TNRC6B: variants seen among roughly 807,000 people sequenced by gnomAD.
TNRC6B encodes trinucleotide repeat containing adaptor 6B, also known as trinucleotide repeat-containing gene 6B protein.
TNRC6B carries 52 observed loss-of-function variants against 203.6 expected under a neutral mutation model. The observed-to-expected ratio is 0.26, with a 90% CI of 0.20 to 0.32. The LOEUF (loss-of-function observed/expected upper bound fraction) is 0.32. TNRC6B is among the 10% of genes least tolerant of loss of function. The pLI is 1.00. For synonymous variants in TNRC6B, 838 were observed against 845.7 expected (o/e 0.99, Z 0.16); for missense variants, 1,923 against 2,286.2 (o/e 0.84, Z 3.24).
intron 4 of TNRC6B, among the ~76,000 whole-genome samples, chr22:40,162,814 G>A (rs1300067069): frequency 6.6e-6 from 1 of 152,110 alleles, no homozygotes; most frequent in African/African-American, 2.4e-5. Context: ...GCTTTTGGGG[G>A]AAATGAGTTT....
intron 1 of TNRC6B, among the ~76,000 whole-genome samples, chr22:40,099,989 G>T (rs1051732749): frequency 6.6e-5 from 10 of 152,126 alleles, no homozygotes; most frequent in Non-Finnish European, 1.2e-4. Flanking sequence ...CTGACCTCAT[G>T]ATCCGCCCAC....
At chr22:40,136,524 C>T (rs976027681) in intron 3 of TNRC6B, among the ~76,000 whole-genome samples, 2 of 151,706 alleles carry the variant, frequency 1.3e-5, no homozygotes, top group Non-Finnish European at 2.9e-5. Context: ...CTCAGCCTCC[C>T]GTGTAGCTGG....
chr22:40,069,019 G>A (rs1282104207), intron 1 of TNRC6B, among the ~76,000 whole-genome samples: 1 of 152,038 alleles, frequency 6.6e-6, no homozygotes, highest in Non-Finnish European at 1.5e-5. Flanking sequence ...TTTTCATGGA[G>A]AGTAAAAACC....
Position 40,308,467 on chromosome 22 carries a change from A to G in TNRC6B, c.4121-45A>G, listed in dbSNP as rs141882146. ...CCTGGACTCTGCTTCAGAACTCTTG[A>G]TACTGATGCTGGAGACTTATAAAAT... On this transcript the variant is annotated intron_variant, in intron 15 of 22. Coordinates refer to ENST00000454349, the MANE Select transcript of TNRC6B (RefSeq NM_001162501.2). 3.1e-4 allele frequency: 492 copies of G among 1,612,132 alleles called. 1 individual carries two copies. The African/African-American group carries it at 5.5e-3, about 18-fold the overall frequency.
chr22:40,183,071 C>CA (rs35482309), intron 1 of TNRC6B, among the ~76,000 whole-genome samples: 1 of 151,824 alleles, frequency 6.6e-6, no homozygotes, highest in African/African-American at 2.4e-5. Context: ...ACATCTAGAA[C>CA]GGCTTGGCAG....
intron 12 of TNRC6B, among the ~76,000 whole-genome samples, chr22:40,292,752 G>A (rs1237513515): frequency 6.6e-6 from 1 of 152,226 alleles, no homozygotes; most frequent in African/African-American, 2.4e-5. Context: ...GAGAGGGGCA[G>A]TACATTTGCA....
chr22:40,182,429 C>T (rs966611758), intron 1 of TNRC6B, among the ~76,000 whole-genome samples: 7 of 152,170 alleles, frequency 4.6e-5, no homozygotes, highest in Admixed American at 4.6e-4. Flanking sequence ...ATCCCACTTT[C>T]CTCACCTGCT....
In TNRC6B at chr22:40,315,492, T is replaced by C. The variant is rs751848396; in HGVS notation, c.4888T>C (p.Ser1630Pro). ...RSVRGWGTQD[S>P]RLASASTWSD... The stretch of plus-strand genomic sequence containing the variant: ...AGTCAGGGGGTGGGGGACACAGGAC[T>C]CACGGCTCGCCTCGGGTGAGGAGGA... The change falls in exon 20 of 23, where the codon TCA becomes CCA. Residue 1630 changes from serine to proline, a missense_variant. Coordinates refer to ENST00000454349, the MANE Select transcript of TNRC6B (RefSeq NM_001162501.2). 5 of 1,614,016 alleles carry C rather than the reference T, an allele frequency of 3.1e-6. No homozygotes were observed. The highest frequency in any genetic ancestry group is 3.4e-6 in the Non-Finnish European group (4 of 1,179,888).
chr22:40,103,081 A>C (rs899897271), intron 1 of TNRC6B, among the ~76,000 whole-genome samples: 1 of 150,034 alleles, frequency 6.7e-6, no homozygotes, highest in African/African-American at 2.4e-5. Flanking sequence ...GTCTCAAAAT[A>C]AATAAATAAA....
intron 1 of TNRC6B, among the ~76,000 whole-genome samples, chr22:40,243,830 C>G (rs967934967): frequency 5.9e-5 from 9 of 152,192 alleles, no homozygotes; most frequent in Non-Finnish European, 1.3e-4. Flanking sequence ...GGTGATCCAC[C>G]CACCTTGGCC....
intron 1 of TNRC6B, among the ~76,000 whole-genome samples, chr22:40,234,259 G>T (rs974380883): frequency 2.0e-5 from 3 of 152,132 alleles, no homozygotes; most frequent in Non-Finnish European, 4.4e-5. Context: ...GCATTCCTGC[G>T]TGATAGAGCA....
At chr22:40,138,842 G>C (rs1196634149) in intron 3 of TNRC6B, among the ~76,000 whole-genome samples, 1 of 151,936 alleles carries the variant, frequency 6.6e-6, no homozygotes. Context: ...ACCCCAAACA[G>C]CAATTCAAAG....
chr22:40,280,259 C>A, intron 10 of TNRC6B, 116 bp downstream of exon 10: 2 of 979,288 alleles, frequency 2.0e-6, no homozygotes, highest in African/African-American at 1.6e-5. Context: ...ATGAGCAAAA[C>A]ACAAACATCA....
chr22:40,096,999 G>T (rs1187446949), intron 1 of TNRC6B, among the ~76,000 whole-genome samples: 2 of 152,218 alleles, frequency 1.3e-5, no homozygotes, highest in African/African-American at 4.8e-5. Context: ...CTTCAGGAAA[G>T]ATACAGTGGA....
At chr22:40,190,999 A>G (rs890314852) in intron 1 of TNRC6B, among the ~76,000 whole-genome samples, 1 of 152,242 alleles carries the variant, frequency 6.6e-6, no homozygotes, top group African/African-American at 2.4e-5. Flanking sequence ...AGTAATGCAA[A>G]CAGACAGACA....
Position 40,266,650 on chromosome 22 carries a change from A to C in TNRC6B, c.2420A>C (p.Asn807Thr), listed in dbSNP as rs765967243. The change falls in exon 5 of 23, where the codon AAT (asparagine) becomes ACT (threonine). Residue 807 changes from asparagine (N) to threonine (T), a missense_variant. Physicochemically the swap from Asn to Thr is moderately conservative, Grantham distance 65. Coordinates refer to ENST00000454349, the MANE Select transcript of TNRC6B (RefSeq NM_001162501.2). ...WEDCKRSPAW[N>T]ETGRQPNSWN... ...GATTGCAAAAGATCCCCAGCATGGA[A>C]TGAGACGGGCCGACAGCCCAATTCC... 2 of 1,612,948 alleles carry C rather than the reference A, an allele frequency of 1.2e-6. No individual in the cohort carries two copies. Among genetic ancestry groups the C allele is most frequent in the Non-Finnish European group, 1.7e-6 (2 of 1,179,342 alleles).
At position 40,322,455 on chromosome 22, in the gene TNRC6B, C is replaced by T. The variant is rs562207505; in HGVS notation, c.5115-399C>T. Among the ~76,000 whole-genome samples the T allele has an allele frequency of 1.7e-4, 26 of 152,306 alleles. No individual in the cohort carries two copies. In the East Asian group the frequency reaches 4.6e-3, roughly 27 times the overall value. On this transcript the variant is annotated intron_variant, in intron 22 of 22. Transcript: ENST00000454349. ...GTATAATGACGGGTATCTACCATTACAGTATCAGAGTCCTCTGCCAGTTCA... is the reference window on the plus strand; with the variant it reads ...GTATAATGACGGGTATCTACCATTATAGTATCAGAGTCCTCTGCCAGTTCA...
intron 4 of TNRC6B, among the ~76,000 whole-genome samples, chr22:40,264,420 C>T (rs1201395082): frequency 6.6e-6 from 1 of 152,014 alleles, no homozygotes; most frequent in Admixed American, 6.5e-5. Flanking sequence ...ATTGCCTTGT[C>T]CCAAGATACA....
At chr22:40,149,910 T>C (rs1233444187) in intron 3 of TNRC6B, among the ~76,000 whole-genome samples, 2 of 152,114 alleles carry the variant, frequency 1.3e-5, no homozygotes, top group African/African-American at 4.8e-5. Context: ...GCCATCCTCC[T>C]GCCTTGGCCT....
Sources: gnomAD v4.1 joint callset for allele counts (sites outside exome capture counted in the v4.1 genomes callset) on GRCh38, gnomAD v4.1.1 for gene constraint, MANE v1.5 for transcripts, NCBI Gene and HGNC (gene_info 2026-07-23, HGNC 2026-07-21) for gene names.